Variants in SRPRB observed in about 807,000 individuals in gnomAD.
The protein encoded by SRPRB is SRP receptor subunit beta.
A neutral mutation model predicts 31.9 loss-of-function variants in SRPRB; 20 were observed. That is an observed-to-expected ratio of 0.63 (90% confidence interval 0.44 to 0.91). The LOEUF is 0.91. SRPRB is among the 40% of genes least tolerant of loss of function. SRPRB has a pLI of 0.00. For missense variants in SRPRB, 321 were observed against 324.9 expected (o/e 0.99, Z 0.09); for synonymous variants, 146 against 132.8 (o/e 1.10, Z -0.68).
At chr3:133,806,727 T>C (rs753283849) in intron 2 of SRPRB, 24 bp downstream of exon 2, 1 of 1,573,668 alleles carries the variant, frequency 6.4e-7, no homozygotes, top group East Asian at 2.2e-5. Flanking sequence ...TTGACACCCC[T>C]GTTAAGCTTA....
chr3:133,802,080 T>C (rs904858186), upstream of SRPRB, among the ~76,000 whole-genome samples: 2 of 152,072 alleles, frequency 1.3e-5, no homozygotes, highest in East Asian at 1.9e-4. Context: ...TCTGTAAAAT[T>C]AGAAAATGAG....
intron 1 of SRPRB, 138 bp downstream of exon 1, chr3:133,806,140 C>A: frequency 8.7e-7 from 1 of 1,152,968 alleles, no homozygotes; most frequent in Non-Finnish European, 1.2e-6. Context: ...CCAGTCTACA[C>A]CCCACCCTCT....
Position 133,806,661 on chromosome 3 carries a change from T to C in SRPRB, c.207T>C (p.Leu69=), listed in dbSNP as rs148827527. The part of the protein sequence containing the change: ...SRRSSQRAVL[L]VGLCDSGKTL... ...GGAGCAGTCAGAGAGCTGTTCTTCT[T>C]GTTGGCCTTTGTGATTCCGGGAAAA... The change falls in exon 2 of 7, where the codon CTT becomes CTC. Residue 69 remains leucine, a synonymous_variant. Coordinates refer to ENST00000678299, the MANE Select transcript of SRPRB (RefSeq NM_001379313.1). The C allele has an allele frequency of 1.2e-6, 2 of 1,614,070 alleles. No individual in the cohort carries two copies. Among genetic ancestry groups the C allele is most frequent in the Non-Finnish European group, 1.7e-6 (2 of 1,180,020 alleles).
At chr3:133,787,734 A>G (rs770806552) in intron 1 of SRPRB, 6 of 152,196 alleles carry the variant, frequency 3.9e-5, no homozygotes, top group Non-Finnish European at 8.8e-5. Context: ...ATTGCCTTAT[A>G]TGTTAAATGC....
chr3:133,793,110 G>A (rs1934881270), intron 1 of SRPRB: 1 of 152,038 alleles, frequency 6.6e-6, no homozygotes, highest in Admixed American at 6.5e-5. Flanking sequence ...AGATTTTCAT[G>A]CAGTATTAAA....
chr3:133,823,758 G>T (rs1935510983), downstream of SRPRB, among the ~76,000 whole-genome samples: 1 of 152,098 alleles, frequency 6.6e-6, no homozygotes, highest in Admixed American at 6.5e-5. Flanking sequence ...GGTGTGGTGT[G>T]GGGCTGGGGA....
intron 6 of SRPRB, 141 bp downstream of exon 6, chr3:133,817,073 T>A: frequency 1.7e-6 from 1 of 603,508 alleles, no homozygotes; most frequent in Non-Finnish European, 2.6e-6. Flanking sequence ...ATTTGTTAAA[T>A]AATTTACAAA....
intron 3 of SRPRB, among the ~76,000 whole-genome samples, chr3:133,809,384 TTTC>T (rs1935220002): frequency 1.3e-5 from 2 of 152,194 alleles, no homozygotes; most frequent in Admixed American, 1.3e-4. Flanking sequence ...TTTGAGACCT[TTTC>T]TTCTTCTCTT....
chr3:133,787,123 T>G (rs1261991557), intron 1 of SRPRB: 1 of 152,226 alleles, frequency 6.6e-6, no homozygotes, highest in East Asian at 1.9e-4. Flanking sequence ...TGTTTTGCTG[T>G]GTATGTAGAG....
chr3:133,827,729 G>C, downstream of SRPRB: 3 of 595,840 alleles, frequency 5.0e-6, no homozygotes, highest in South Asian at 6.0e-5. Context: ...TTTCAAGGTG[G>C]TGGTTCTGCA....
downstream of SRPRB, chr3:133,827,652 GCAA>G (rs1036050054): frequency 3.7e-6 from 2 of 543,224 alleles, no homozygotes; most frequent in African/African-American, 3.8e-5. Context: ...TGAAAACATA[GCAA>G]CAAATCAGCT....
chr3:133,791,593 T>C (rs1934834493), intron 1 of SRPRB: 1 of 152,236 alleles, frequency 6.6e-6, no homozygotes, highest in Admixed American at 6.5e-5. Context: ...GTGAATCTGG[T>C]GTGCTTTGTG....
intron 1 of SRPRB, among the ~76,000 whole-genome samples, chr3:133,796,900 T>C (rs1028481915): frequency 1.1e-4 from 17 of 152,236 alleles, no homozygotes; most frequent in African/African-American, 4.1e-4. Context: ...CTTCACATTA[T>C]ATTTATGCTG....
intron 1 of SRPRB, 139 bp downstream of exon 1, chr3:133,806,141 C>A: frequency 8.7e-7 from 1 of 1,147,246 alleles, no homozygotes; most frequent in Non-Finnish European, 1.2e-6. Flanking sequence ...CAGTCTACAC[C>A]CCACCCTCTC....
intron 1 of SRPRB, chr3:133,787,383 T>C (rs1157516810): frequency 1.3e-5 from 2 of 152,190 alleles, no homozygotes; most frequent in South Asian, 2.1e-4. Flanking sequence ...GAAGGACTGG[T>C]TCAAGGTCAA....
At chr3:133,793,816 G>T (rs749870142) in intron 1 of SRPRB, 1 of 152,084 alleles carries the variant, frequency 6.6e-6, no homozygotes, top group Non-Finnish European at 1.5e-5. Context: ...ACCCTAAAAA[G>T]CACTCTTGAA....
chr3:133,825,412 C>T (rs1008584331), downstream of SRPRB: 1 of 152,222 alleles, frequency 6.6e-6, no homozygotes, highest in Non-Finnish European at 1.5e-5. Flanking sequence ...ACTGGTCTGG[C>T]CATTGCTCCC....
intron 4 of SRPRB, among the ~76,000 whole-genome samples, chr3:133,813,237 A>G (rs1935306794): frequency 6.6e-6 from 1 of 152,196 alleles, no homozygotes; most frequent in Admixed American, 6.5e-5. Context: ...CTTGGAATTC[A>G]GTTGTGCTAT....
At chr3:133,806,757 C>G in intron 2 of SRPRB, 54 bp downstream of exon 2, 2 of 1,323,454 alleles carry the variant, frequency 1.5e-6, no homozygotes, top group Non-Finnish European at 2.2e-6. Context: ...TTTATAGATC[C>G]CAGTATTCCT....
Sources: allele counts gnomAD v4.1 joint callset (sites outside exome capture counted in the v4.1 genomes callset), GRCh38; gene constraint gnomAD v4.1.1; transcripts MANE v1.5; gene names NCBI Gene and HGNC (gene_info 2026-07-23, HGNC 2026-07-21).